Variants in TSPAN9 observed in about 807,000 individuals in gnomAD.
The protein encoded by TSPAN9 is tetraspanin 9.
In TSPAN9, 16 loss-of-function variants were observed where a neutral mutation model predicts 31.0. That is an observed-to-expected ratio of 0.52 (90% CI 0.35 to 0.78). The LOEUF (loss-of-function observed/expected upper bound fraction) is 0.78. TSPAN9 is among the 30% of genes least tolerant of loss of function. TSPAN9 has a pLI of 0.01. For synonymous variants in TSPAN9, 145 were observed against 121.6 expected (o/e 1.19, Z -1.27); for missense variants, 272 against 312.5 (o/e 0.87, Z 0.98).
intron 2 of TSPAN9, among the ~76,000 whole-genome samples, chr12:3,176,849 C>G (rs532915941): frequency 2.3e-4 from 35 of 152,326 alleles, no homozygotes; most frequent in South Asian, 1.2e-3. Flanking sequence ...CCCACCAGAG[C>G]CCGTCTTTAA....
intron 3 of TSPAN9, among the ~76,000 whole-genome samples, chr12:3,271,440 C>T (rs1412569473): frequency 6.6e-6 from 1 of 151,762 alleles, no homozygotes; most frequent in Non-Finnish European, 1.5e-5. Flanking sequence ...TTTACTTGTT[C>T]TTAGTGGGCT....
intron 2 of TSPAN9, among the ~76,000 whole-genome samples, chr12:3,118,130 G>A (rs2098323259): frequency 6.6e-6 from 1 of 151,972 alleles, no homozygotes; most frequent in Admixed American, 6.6e-5. Flanking sequence ...TTATTCAAAT[G>A]TGAAGTGAGT....
At chr12:3,112,101 C>G (rs2098319095) in intron 2 of TSPAN9, among the ~76,000 whole-genome samples, 1 of 150,480 alleles carries the variant, frequency 6.6e-6, no homozygotes, top group Non-Finnish European at 1.5e-5. Flanking sequence ...CTAGGTTTTT[C>G]AATTTATTGG....
At position 3,193,968 on chromosome 12, in the gene TSPAN9, G is replaced by A. The variant is rs530288601; in HGVS notation, c.-17-7209G>A. Among the ~76,000 whole-genome samples, 8 of 152,316 alleles carry A rather than the reference G, an allele frequency of 5.3e-5. 1 individual carries two copies. The highest frequency in any genetic ancestry group is 3.4e-3 in the Middle Eastern group (1 of 294). ...TATCTGTAGCTGGGTGTTTCAGCTT[G>A]TCAGGTTCAGACGCCCTTGGATAGC... is the stretch of plus-strand genomic sequence containing the variant. On this transcript the variant is annotated intron_variant, in intron 2 of 8. Coordinates refer to ENST00000011898, the MANE Select transcript of TSPAN9 (RefSeq NM_006675.5).
chr12:3,146,360 A>G (rs551883498), intron 2 of TSPAN9, among the ~76,000 whole-genome samples: 35 of 152,078 alleles, frequency 2.3e-4, no homozygotes, highest in Non-Finnish European at 1.0e-4. Flanking sequence ...GTGGTCTCTG[A>G]AAAGAGGGCT....
At chr12:3,277,159 T>A (rs1470682625) in intron 3 of TSPAN9, among the ~76,000 whole-genome samples, 1 of 152,172 alleles carries the variant, frequency 6.6e-6, no homozygotes, top group African/African-American at 2.4e-5. Context: ...GGGGATGATA[T>A]TCTCACTCTG....
chr12:3,277,790 G>A (rs1862817037), intron 3 of TSPAN9, among the ~76,000 whole-genome samples: 1 of 152,174 alleles, frequency 6.6e-6, no homozygotes, highest in African/African-American at 2.4e-5. Flanking sequence ...GGGTGGTGAA[G>A]GCAGCCGTGG....
chr12:3,112,176 CCT>C (rs1491350955), intron 2 of TSPAN9, among the ~76,000 whole-genome samples: 1 of 114,372 alleles, frequency 8.7e-6, no homozygotes, highest in Admixed American at 1.0e-4. Flanking sequence ...TTGTAATGTT[CCT>C]TTTTTTTTTT....
chr12:3,098,658 C>A (rs2098310321), intron 2 of TSPAN9, among the ~76,000 whole-genome samples: 1 of 152,060 alleles, frequency 6.6e-6, no homozygotes, highest in Non-Finnish European at 1.5e-5. Context: ...TTCTTCCTTT[C>A]CCAGTCATGA....
chr12:3,139,217 CTCTG>C (rs2098333582), intron 2 of TSPAN9, among the ~76,000 whole-genome samples: 2 of 152,210 alleles, frequency 1.3e-5, no homozygotes, highest in South Asian at 4.1e-4. Flanking sequence ...TCCTCTCTTC[CTCTG>C]TCTGAGACCA....
intron 2 of TSPAN9, among the ~76,000 whole-genome samples, chr12:3,140,454 TA>T (rs912190657): frequency 6.6e-6 from 1 of 151,920 alleles, no homozygotes; most frequent in African/African-American, 2.4e-5. Flanking sequence ...GGACGGGAAA[TA>T]GAAAGCCTGG....
intron 2 of TSPAN9, among the ~76,000 whole-genome samples, chr12:3,197,476 G>A (rs2098367616): frequency 6.6e-6 from 1 of 152,174 alleles, no homozygotes; most frequent in South Asian, 2.1e-4. Context: ...ATACACACTA[G>A]GTTTTATTCT....
In TSPAN9 at chr12:3,235,225, T is replaced by A. The variant is rs1424083088; in HGVS notation, c.63+33969T>A. On this transcript the variant is annotated intron_variant, in intron 3 of 8. Coordinates refer to ENST00000011898, the MANE Select transcript of TSPAN9 (RefSeq NM_006675.5). ...AAAAAAAAAAAAAAAAAAATATATATATATATATATATATATATATATATA... is the reference window on the plus strand; with the variant it reads ...AAAAAAAAAAAAAAAAAAATATATAAATATATATATATATATATATATATA... Among the ~76,000 whole-genome samples the A allele has an allele frequency of 3.7e-3, 26 of 7,114 alleles. 1 individual carries two copies. Among genetic ancestry groups the A allele is most frequent in the East Asian group, 8.8e-3 (1 of 114 alleles). 4.7% of individuals were successfully genotyped at this position (7,114 alleles called of 152,430 possible). A position where few individuals can be genotyped will look rare whatever the true frequency, so the allele number is the denominator to read the frequency against.
intron 3 of TSPAN9, among the ~76,000 whole-genome samples, chr12:3,211,453 T>C (rs1430358445): frequency 1.3e-5 from 2 of 152,206 alleles, no homozygotes; most frequent in Non-Finnish European, 2.9e-5. Context: ...TCTTGGCCCT[T>C]TGTTCTTTTG....
At position 3,160,920 on chromosome 12, in the gene TSPAN9, A is replaced by AAG. The variant is rs1345424978; in HGVS notation, c.-17-40254_-17-40253dup. Among the ~76,000 whole-genome samples the AAG allele has an allele frequency of 3.9e-5, 6 of 152,328 alleles. No homozygotes were observed. In the East Asian group the frequency reaches 1.2e-3, roughly 29 times the overall value. The stretch of plus-strand genomic sequence containing the variant: ...TTTTTGATGGTGTTATTTGCAACAT[A>AAG]AGAGTTTTTAATTTTGTGGCTGGGC... On this transcript the variant is annotated intron_variant, in intron 2 of 8. Coordinates refer to ENST00000011898, the MANE Select transcript of TSPAN9 (RefSeq NM_006675.5).
chr12:3,141,805 C>T (rs572634754), intron 2 of TSPAN9, among the ~76,000 whole-genome samples: 2 of 152,288 alleles, frequency 1.3e-5, no homozygotes, highest in Admixed American at 6.5e-5. Context: ...CTGGCCCAGA[C>T]CTGTTCTGTG....
chr12:3,215,387 G>A (rs1020627289), intron 3 of TSPAN9: 1 of 152,196 alleles, frequency 6.6e-6, no homozygotes, highest in African/African-American at 2.4e-5. Flanking sequence ...AATCAAACTT[G>A]CCTGGCCAAC....
chr12:3,146,895 T>C (rs1315984497), intron 2 of TSPAN9, among the ~76,000 whole-genome samples: 4 of 152,074 alleles, frequency 2.6e-5, no homozygotes, highest in Admixed American at 2.6e-4. Flanking sequence ...CCATGCTTTT[T>C]TGGGTTTGCA....
chr12:3,210,995 C>G (rs2098378381), intron 3 of TSPAN9, among the ~76,000 whole-genome samples: 1 of 152,176 alleles, frequency 6.6e-6, no homozygotes, highest in Non-Finnish European at 1.5e-5. Flanking sequence ...ATCCTTCTGC[C>G]TCGGCCTTCC....
Sources: allele counts gnomAD v4.1 joint callset (sites outside exome capture counted in the v4.1 genomes callset), GRCh38; gene constraint gnomAD v4.1.1; transcripts MANE v1.5; gene names NCBI Gene and HGNC (gene_info 2026-07-23, HGNC 2026-07-21).